The following REPS2 variants were observed in gnomAD, a reference collection of about 807,000 sequenced individuals.
REPS2 encodes the protein RALBP1 associated Eps domain containing 2.
In REPS2, 23 loss-of-function variants were observed where a neutral mutation model predicts 53.6. That is an observed-to-expected ratio of 0.43 (90% CI 0.31 to 0.61). The LOEUF (loss-of-function observed/expected upper bound fraction) is 0.61, where lower values mean the gene tolerates loss of function less well. REPS2 is among the 20% of genes least tolerant of loss of function. The pLI, the probability that REPS2 is intolerant of heterozygous loss-of-function variation, is 0.11. For synonymous variants in REPS2, 238 were observed against 218.6 expected, an observed-to-expected ratio of 1.09 and a Z score of -0.78; for missense variants, 446 against 534.9, an observed-to-expected ratio of 0.83 and a Z score of 1.64.
chrX:17,089,290 T>A (rs911632281), intron 13 of REPS2, among the ~76,000 whole-genome samples: 4 of 111,470 alleles, frequency 3.6e-5, no homozygotes, highest in African/African-American at 1.3e-4. Context: ...AACATCCAGC[T>A]TCAACAATTA....
rs763459114 is a variant in REPS2 at position 17,135,384 on chromosome X, A to G, written c.1786A>G (p.Lys596Glu). 1 of 1,210,656 alleles carries G rather than the reference A, an allele frequency of 8.3e-7. No homozygotes were observed. The highest frequency in any genetic ancestry group is 1.8e-5 in the South Asian group (1 of 56,588). Residue 596 changes from lysine to glutamate, a missense_variant, in exon 16 of 18, where the codon AAA becomes GAA. By Grantham distance (56) the Lys-to-Glu change is moderately conservative (BLOSUM62 1). Transcript: ENST00000357277. ...ASGPASAATM[K>E]PHPTVQKQSS... ...TGGGCCAGCTTCTGCGGCAACCATG[A>G]AACCGCATCCAACAGTCCAAAAGTA...
At chrX:17,066,810 T>G (rs1377765325) in intron 9 of REPS2, among the ~76,000 whole-genome samples, 1 of 111,582 alleles carries the variant, frequency 9.0e-6, no homozygotes, top group African/African-American at 3.3e-5. Flanking sequence ...GAGGTGGAGG[T>G]TGCAGTGAGC....
At chrX:17,134,784 G>A (rs910055704) in intron 15 of REPS2, among the ~76,000 whole-genome samples, 2 of 110,134 alleles carry the variant, frequency 1.8e-5, no homozygotes, top group African/African-American at 6.6e-5. Flanking sequence ...CCAGCAGGCC[G>A]GCTAATTTTT....
chrX:17,024,764 A>G (rs2061621428), intron 3 of REPS2, among the ~76,000 whole-genome samples: 1 of 111,438 alleles, frequency 9.0e-6, no homozygotes, highest in Admixed American at 9.6e-5. Context: ...ATGTTATTTC[A>G]TGTGATCAGT....
At chrX:17,096,777 A>G (rs901876079) in intron 13 of REPS2, among the ~76,000 whole-genome samples, 1 of 111,582 alleles carries the variant, frequency 9.0e-6, no homozygotes, top group African/African-American at 3.2e-5. Flanking sequence ...AGAAAAGAAC[A>G]ATTCTGTAAC....
At position 16,946,818 on chromosome X, in the gene REPS2, C is replaced by T. The variant is rs1602465567; in HGVS notation, c.-44C>T. On this transcript the variant is annotated 5_prime_UTR_variant, in exon 1 of 18. Transcript: ENST00000357277. ...GGTGGCTGTGGCGGACGCAGCAGCA[C>T]CCCAGCTAGGGACAGGGCTCCGCCG... 1 of 756,765 alleles carries T rather than the reference C, an allele frequency of 1.3e-6. No homozygotes were observed. The highest frequency in any genetic ancestry group is 1.6e-6 in the Non-Finnish European group (1 of 644,404). 62.4% of individuals were successfully genotyped at this position (756,765 alleles called of 1,213,427 possible).
the REPS2 span, among the ~76,000 whole-genome samples, chrX:17,171,982 T>C: frequency 9.0e-6 from 1 of 111,699 alleles, no homozygotes; most frequent in Admixed American, 9.5e-5. Context: ...TGAGTACCTA[T>C]TACGTGTCAG....
intron 13 of REPS2, among the ~76,000 whole-genome samples, chrX:17,089,021 C>G (rs2062580647): frequency 9.0e-6 from 1 of 111,237 alleles, no homozygotes; most frequent in African/African-American, 3.3e-5. Context: ...TAATTAATAT[C>G]TAAAGTTAAA....
rs148821930 is a variant in REPS2, at chrX:17,086,127, G to A, written c.1516+8720G>A. Among the ~76,000 whole-genome samples the A allele has an allele frequency of 4.0e-4, 44 of 111,232 alleles. No homozygotes were observed. The East Asian group carries it at 0.011, about 28-fold the overall frequency. On this transcript the variant is annotated intron_variant, in intron 13 of 17. Transcript: ENST00000357277. ...TTCATAAAAAGTCATCTACCTTGTA[G>A]ACTTTTTCACATTCTGTATTTTGCT...
intron 14 of REPS2, among the ~76,000 whole-genome samples, chrX:17,119,269 G>A (rs62587800): frequency 0.01 from 1,153 of 112,447 alleles, 9 homozygotes; most frequent in Non-Finnish European, 0.017. Flanking sequence ...GTGAAACCAC[G>A]TCTCACAATT....
chrX:17,016,753 CTTTTTTCTTT>C (rs2061500120), intron 2 of REPS2, among the ~76,000 whole-genome samples: 1 of 63,101 alleles, frequency 1.6e-5, no homozygotes, highest in Admixed American at 2.3e-4. Context: ...AAATATTTTT[CTTTTTTCTTT>C]TTTTTTTTTT....
chrX:17,052,847 C>A (rs1445045634), intron 7 of REPS2, among the ~76,000 whole-genome samples: 1 of 111,642 alleles, frequency 9.0e-6, no homozygotes, highest in Non-Finnish European at 1.9e-5. Context: ...GCTGAGTGAA[C>A]AGAAGGTTGA....
At chrX:17,020,884 G>A (rs1183041913) in intron 2 of REPS2, among the ~76,000 whole-genome samples, 4 of 111,494 alleles carry the variant, frequency 3.6e-5, no homozygotes, top group Non-Finnish European at 5.7e-5. Flanking sequence ...ACCCGCCTCC[G>A]CCTCCCAAAG....
chrX:17,143,512 G>A (rs965541225), intron 17 of REPS2, among the ~76,000 whole-genome samples: 12 of 108,652 alleles, frequency 1.1e-4, no homozygotes, highest in African/African-American at 3.7e-4. Flanking sequence ...TTTTGTTGTC[G>A]TTGATTATTT....
At chrX:17,043,541 C>T (rs1228621940) in intron 5 of REPS2, among the ~76,000 whole-genome samples, 1 of 109,444 alleles carries the variant, frequency 9.1e-6, no homozygotes, top group Non-Finnish European at 1.9e-5. Flanking sequence ...CTGTACCTAC[C>T]TCCCAGCTTG....
chrX:17,049,128 C>T (rs759786173), intron 6 of REPS2, among the ~76,000 whole-genome samples: 4 of 111,846 alleles, frequency 3.6e-5, no homozygotes, highest in African/African-American at 9.7e-5. Flanking sequence ...CCCCTGACCT[C>T]GTGATCCACC....
At chrX:17,012,222 G>GA (rs1469821291) in intron 2 of REPS2, among the ~76,000 whole-genome samples, 1 of 109,307 alleles carries the variant, frequency 9.1e-6, no homozygotes, top group Non-Finnish European at 1.9e-5. Flanking sequence ...TACTAAAATA[G>GA]AAAAAAATTA....
chrX:17,052,494 A>C, intron 7 of REPS2, 49 bp downstream of exon 7: 4 of 970,092 alleles, frequency 4.1e-6, no homozygotes, highest in Non-Finnish European at 5.8e-6. Flanking sequence ...TCCATAACTC[A>C]TCCTTTAGTT....
chrX:17,006,666 G>A (rs17273622), intron 2 of REPS2, among the ~76,000 whole-genome samples: 1 of 111,209 alleles, frequency 9.0e-6, no homozygotes. Context: ...TCCACTTGAG[G>A]TATCTATAAT....
Sources: gnomAD v4.1 joint callset for allele counts (sites outside exome capture counted in the v4.1 genomes callset) on GRCh38, gnomAD v4.1.1 for gene constraint, MANE v1.5 for transcripts, NCBI Gene and HGNC (gene_info 2026-07-23, HGNC 2026-07-21) for gene names.